PPP2CB: variants seen among roughly 807,000 people sequenced by gnomAD.
PPP2CB encodes protein phosphatase 2 catalytic subunit beta.
PPP2CB carries 18 observed loss-of-function variants against 39.1 expected under a neutral mutation model. That is an observed-to-expected ratio of 0.46 (90% CI 0.32 to 0.68). The LOEUF is 0.68. Ranked by LOEUF, PPP2CB falls within the 30% of genes least tolerant of loss-of-function variation. The pLI is 0.04. For synonymous variants in PPP2CB, 129 were observed against 133.8 expected, an observed-to-expected ratio of 0.96 and a Z score of 0.25; for missense variants, 226 against 396.9, an observed-to-expected ratio of 0.57 and a Z score of 3.66.
At chr8:30,804,012 G>A (rs1806676010) in intron 1 of PPP2CB, among the ~76,000 whole-genome samples, 1 of 152,048 alleles carries the variant, frequency 6.6e-6, no homozygotes, top group Non-Finnish European at 1.5e-5. Context: ...TAGTAGAGAT[G>A]GGGTTTCACC....
intron 1 of PPP2CB, among the ~76,000 whole-genome samples, chr8:30,801,148 A>G (rs1452557707): frequency 6.6e-6 from 1 of 152,116 alleles, no homozygotes; most frequent in South Asian, 2.1e-4. Flanking sequence ...GGGGAGTTCA[A>G]GGCTGCAGTG....
At chr8:30,806,653 C>T (rs1201981694) in intron 1 of PPP2CB, among the ~76,000 whole-genome samples, 1 of 152,188 alleles carries the variant, frequency 6.6e-6, no homozygotes, top group Middle Eastern at 3.2e-3. Flanking sequence ...TTAATTCCAT[C>T]TTCAATTTCT....
Position 30,812,464 on chromosome 8 carries a change from GCCGCCCTCCCCCCTCC to G in PPP2CB, c.-59_-44del. On this transcript the variant is annotated 5_prime_UTR_variant, in exon 1 of 7. Coordinates refer to ENST00000221138, the MANE Select transcript of PPP2CB (RefSeq NM_001009552.2). ...GCGGATCCCGAGCCCCAGCCCGGCC[GCCGCCCTCCCCCCTCC>G]CCACCCGCCCCCGGCCCCGGCCCGG... 7.2e-7 allele frequency: 1 copy of G among 1,387,700 alleles called. No individual in the cohort carries two copies. The highest frequency in any genetic ancestry group is 9.6e-7 in the Non-Finnish European group (1 of 1,046,414). The allele number at this position is 1,387,700 out of a possible 1,614,324, so 86.0% of individuals were successfully genotyped here.
At chr8:30,810,947 T>C (rs1336978050) in intron 1 of PPP2CB, among the ~76,000 whole-genome samples, 1 of 152,234 alleles carries the variant, frequency 6.6e-6, no homozygotes, top group Non-Finnish European at 1.5e-5. Flanking sequence ...TCATGACTTC[T>C]AAACATTACG....
chr8:30,808,233 G>A lies in PPP2CB; in HGVS notation c.102+4087C>T, dbSNP rs556502594. Among the ~76,000 whole-genome samples the A allele has an allele frequency of 2.6e-5, 4 of 152,060 alleles. No homozygotes were observed. The East Asian group carries it at 7.7e-4, about 29-fold the overall frequency. On this transcript the variant is annotated intron_variant, in intron 1 of 6. Coordinates refer to ENST00000221138, the MANE Select transcript of PPP2CB (RefSeq NM_001009552.2). ...CCTGCCTCAGCCTCCCGAGTAGCTG[G>A]GACTACAGGCACACACCGCCATGCC...
intron 1 of PPP2CB, among the ~76,000 whole-genome samples, chr8:30,800,413 GAA>G (rs1362669614): frequency 6.6e-6 from 1 of 152,142 alleles, no homozygotes; most frequent in Non-Finnish European, 1.5e-5. Flanking sequence ...GTCAATGAAA[GAA>G]AAAAGTCACA....
intron 1 of PPP2CB, among the ~76,000 whole-genome samples, chr8:30,805,105 C>G (rs1225595829): frequency 2.0e-5 from 3 of 152,216 alleles, no homozygotes; most frequent in Non-Finnish European, 4.4e-5. Flanking sequence ...GTCAACCAAT[C>G]CTCTCCTTTC....
chr8:30,809,234 C>T lies in PPP2CB; in HGVS notation c.102+3086G>A, dbSNP rs145081557. On this transcript the variant is annotated intron_variant, in intron 1 of 6. Coordinates refer to ENST00000221138, the MANE Select transcript of PPP2CB (RefSeq NM_001009552.2). Reference sequence around the variant, plus strand: ...CGGCCAATGAATATATATCTTAGCACTCACAACCAACCCGGGAGGATTGGT... The same window carrying T: ...CGGCCAATGAATATATATCTTAGCATTCACAACCAACCCGGGAGGATTGGT... Among the ~76,000 whole-genome samples, 79 of 152,072 alleles carry T rather than the reference C, an allele frequency of 5.2e-4. No homozygotes were observed. In the East Asian group the frequency reaches 0.013, roughly 24 times the overall value.
In PPP2CB at chr8:30,812,411, T is replaced by C. The variant is rs1806852966; in HGVS notation, c.11A>G (p.Lys4Arg). Reference protein sequence around the residue: MDDKAFTKELDQWV... With the variant: MDDRAFTKELDQWV... ...CTGGTCCAGCTCCTTGGTGAACGCC[T>C]TGTCGTCCATGGCGGCCCGATCCCG... The change falls in exon 1 of 7, where the codon AAG becomes AGG. Residue 4 changes from lysine (K) to arginine (R), a missense_variant. This residue lies in a region of PPP2CB where 59 missense variants were observed against 42.6 expected (regional missense o/e 1.38). Transcript: ENST00000221138. 4 of 1,536,190 alleles carry C rather than the reference T, an allele frequency of 2.6e-6. No individual in the cohort carries two copies. Among genetic ancestry groups the C allele is most frequent in the African/African-American group, 1.4e-5 (1 of 70,550 alleles).
At chr8:30,801,265 G>T (rs1259486831) in intron 1 of PPP2CB, among the ~76,000 whole-genome samples, 1 of 152,074 alleles carries the variant, frequency 6.6e-6, no homozygotes, top group Non-Finnish European at 1.5e-5. Flanking sequence ...GGGCACGGTG[G>T]CTCATGCCTG....
rs1563214898 is a variant in PPP2CB at position 30,794,210 on chromosome 8, T to C, written c.558A>G (p.Leu186=). The C allele has an allele frequency of 6.2e-7, 1 of 1,614,044 alleles. No homozygotes were observed. ...TLDHIRALDR[L]QEVPHEGPMC... ...AGTTTACCTCATGTGGAACTTCCTG[T>C]AAACGATCCAGGGCTCTTATATGAT... Residue 186 remains leucine (L), a synonymous_variant, in exon 4 of 7, where the codon TTA becomes TTG. Transcript: ENST00000221138.
intron 3 of PPP2CB, among the ~76,000 whole-genome samples, chr8:30,796,161 A>C (rs1806522274): frequency 6.6e-6 from 1 of 152,196 alleles, no homozygotes; most frequent in Non-Finnish European, 1.5e-5. Context: ...TTTTAAATTC[A>C]CATTTTCTTT....
At chr8:30,809,737 T>C (rs1216156835) in intron 1 of PPP2CB, among the ~76,000 whole-genome samples, 1 of 151,948 alleles carries the variant, frequency 6.6e-6, no homozygotes, top group Non-Finnish European at 1.5e-5. Context: ...GCCCGAGAGT[T>C]CGAGACCAGC....
intron 4 of PPP2CB, 29 bp from the exon 5 acceptor site, chr8:30,794,107 A>G: frequency 6.2e-7 from 1 of 1,603,054 alleles, no homozygotes; most frequent in Middle Eastern, 1.7e-4. Flanking sequence ...TACATGTTAC[A>G]AATTATTATC....
At chr8:30,795,127 T>C (rs528335113) in intron 3 of PPP2CB, among the ~76,000 whole-genome samples, 2 of 151,040 alleles carry the variant, frequency 1.3e-5, no homozygotes, top group Admixed American at 6.6e-5. Context: ...TGATTTTTTT[T>C]TTTTTTTTTT....
rs78866779 is a variant in PPP2CB, at chr8:30,785,725, T to C, written c.*510A>G. On this transcript the variant is annotated 3_prime_UTR_variant, in exon 7 of 7. Transcript: ENST00000221138. ...GATCAACATAAAACAGTAATTTAGT[T>C]TAAATGAAGGGAAATCTCTTTAAAT... 7.8e-3 allele frequency: 1,968 copies of C among 251,208 alleles called. 41 individuals carry two copies. Among genetic ancestry groups the C allele is most frequent in the African/African-American group, 0.042 (1,829 of 43,530 alleles). 15.6% of individuals were successfully genotyped at this position (251,208 alleles called of 1,614,324 possible).
In PPP2CB at chr8:30,785,846, T is replaced by C. The variant is rs1347033521; in HGVS notation, c.*389A>G. ...GGATAATGGATTAGTGGAAGTTAGCTTGTGAATTTTTCTTAAAAATAAAAC... is the reference window on the plus strand; with the variant it reads ...GGATAATGGATTAGTGGAAGTTAGCCTGTGAATTTTTCTTAAAAATAAAAC... On this transcript the variant is annotated 3_prime_UTR_variant, in exon 7 of 7. Transcript: ENST00000221138. The C allele has an allele frequency of 6.2e-6, 2 of 321,638 alleles. No individual in the cohort carries two copies. The highest frequency in any genetic ancestry group is 1.2e-5 in the Non-Finnish European group (2 of 164,616). The allele number at this position is 321,638 out of a possible 1,614,324, so 19.9% of individuals were successfully genotyped here.
At chr8:30,799,847 T>C (rs1419864169) in intron 1 of PPP2CB, 92 bp from the exon 2 acceptor site, 2 of 1,124,016 alleles carry the variant, frequency 1.8e-6, no homozygotes, top group Non-Finnish European at 2.6e-6. Flanking sequence ...ACTTGAAAAG[T>C]GCCTTATAAA....
Position 30,812,619 on chromosome 8 carries a change from G to A in PPP2CB, c.-198C>T. 1 of 329,738 alleles carries A rather than the reference G, an allele frequency of 3.0e-6. No homozygotes were observed. Among genetic ancestry groups the A allele is most frequent in the Non-Finnish European group, 5.4e-6 (1 of 185,482 alleles). The allele number at this position is 329,738 out of a possible 1,614,324, so 20.4% of individuals were successfully genotyped here. ...GCCCAAGCCCAGCAGGCGGCTCCGAGCGCGCAGCCTGGAGGAGACCCCCGC... is the reference window on the plus strand; with the variant it reads ...GCCCAAGCCCAGCAGGCGGCTCCGAACGCGCAGCCTGGAGGAGACCCCCGC... On this transcript the variant is annotated 5_prime_UTR_variant, in exon 1 of 7. Coordinates refer to ENST00000221138, the MANE Select transcript of PPP2CB (RefSeq NM_001009552.2).
Sources: allele counts gnomAD v4.1 joint callset (sites outside exome capture counted in the v4.1 genomes callset), GRCh38; gene constraint gnomAD v4.1.1; regional missense constraint gnomAD v4.1.1; transcripts MANE v1.5; gene names NCBI Gene and HGNC (gene_info 2026-07-23, HGNC 2026-07-21).